ZNF69: variants seen among roughly 807,000 people sequenced by gnomAD.
The protein encoded by ZNF69 is zinc finger protein 69.
In ZNF69, 47 loss-of-function variants were observed where a neutral mutation model predicts 50.9. That is an observed-to-expected ratio of 0.92 (90% CI 0.73 to 1.18). ZNF69 has a LOEUF of 1.18. Ranked by LOEUF, ZNF69 falls within the 50% of genes most tolerant of loss-of-function variation. The pLI is 0.00. For missense variants in ZNF69, 717 were observed against 675.1 expected, an observed-to-expected ratio of 1.06 and a Z score of -0.69; for synonymous variants, 216 against 223.1, an observed-to-expected ratio of 0.97 and a Z score of 0.29.
Position 11,906,343 on chromosome 19 carries a change from G to T in ZNF69, c.*245G>T, listed in dbSNP as rs1182553772. 19 of 1,101,328 alleles carry T rather than the reference G, an allele frequency of 1.7e-5. No homozygotes were observed. The highest frequency in any genetic ancestry group is 2.0e-5 in the Non-Finnish European group (17 of 855,100). The allele number at this position is 1,101,328 out of a possible 1,614,324, so 68.2% of individuals were successfully genotyped here. On this transcript the variant is annotated 3_prime_UTR_variant, in exon 4 of 4. Transcript: ENST00000429654. ...AGAGAGTAGCAGTCCTCCCAGCATGGAGTTTGAGATCTAAGAATGGACAGT... is the reference window on the plus strand; with the variant it reads ...AGAGAGTAGCAGTCCTCCCAGCATGTAGTTTGAGATCTAAGAATGGACAGT...
chr19:11,904,771 C>CA lies in ZNF69; in HGVS notation c.375dup (p.Cys126MetfsTer2). The CA allele has an allele frequency of 6.2e-7, 1 of 1,613,968 alleles. No homozygotes were observed. Among genetic ancestry groups the CA allele is most frequent in the South Asian group, 1.1e-5 (1 of 91,074 alleles). On this transcript the variant is annotated frameshift_variant, in exon 4 of 4. Coordinates refer to ENST00000429654, the MANE Select transcript of ZNF69 (RefSeq NM_001364730.1). LOFTEE classifies it high-confidence loss of function. ...AAGAAAGCTTCTCCTGAAATAAAAT[C>CA]ATGTGACAGCTTTGTGTGTGGAGAA...
At position 11,887,867 on chromosome 19, in the gene ZNF69, G is replaced by A. The variant is rs1000593437; in HGVS notation, c.-57G>A. On this transcript the variant is annotated 5_prime_UTR_variant, in exon 1 of 4. Coordinates refer to ENST00000429654, the MANE Select transcript of ZNF69 (RefSeq NM_001364730.1). ...CTGCGGCTGGGATCCGGTCTTTCCA[G>A]CCCCGAGAGGGACCTGGTTCCTCTG... The A allele has an allele frequency of 6.5e-7, 1 of 1,544,218 alleles. No homozygotes were observed. Among genetic ancestry groups the A allele is most frequent in the African/African-American group, 1.4e-5 (1 of 72,796 alleles).
chr19:11,963,088 A>AGAGTGTGTGTGTGT, the ZNF69 span, among the ~76,000 whole-genome samples: 2 of 138,248 alleles, frequency 1.4e-5, no homozygotes, highest in Admixed American at 7.0e-5. Context: ...AGAGAGAGAG[A>AGAGTGTGTGTGTGT]GTGTGTGTGT....
chr19:11,929,821 A>C, the ZNF69 span, among the ~76,000 whole-genome samples: 1 of 148,262 alleles, frequency 6.7e-6, no homozygotes, highest in Non-Finnish European at 1.5e-5. Flanking sequence ...CATGAGAGGA[A>C]AGCAGAGAAT....
the ZNF69 span, chr19:11,978,956 A>G: frequency 6.2e-7 from 1 of 1,614,220 alleles, no homozygotes; most frequent in African/African-American, 1.3e-5. Context: ...AATGTAAGGA[A>G]TGTAGAAAAG....
At chr19:11,959,779 G>A in the ZNF69 span, among the ~76,000 whole-genome samples, 3 of 152,216 alleles carry the variant, frequency 2.0e-5, no homozygotes, top group East Asian at 1.9e-4. Context: ...ATGAAATGTC[G>A]ATAGAGTATG....
the ZNF69 span, among the ~76,000 whole-genome samples, chr19:11,923,897 C>T: frequency 1.3e-5 from 2 of 152,194 alleles, no homozygotes; most frequent in South Asian, 4.1e-4. Context: ...AAGAGAGTTT[C>T]CCTGGGGGCT....
the ZNF69 span, among the ~76,000 whole-genome samples, chr19:11,928,731 CAAAAAAAAAAA>C: frequency 5.6e-5 from 3 of 53,452 alleles, no homozygotes; most frequent in African/African-American, 1.3e-4. Flanking sequence ...GACTCCGTCT[CAAAAAAAAAAA>C]AAAAAAAAAG....
chr19:11,978,363 C>G, the ZNF69 span: 1 of 1,614,162 alleles, frequency 6.2e-7, no homozygotes, highest in Non-Finnish European at 8.5e-7. Context: ...ATATAAGTGT[C>G]AACAACCTAA....
chr19:11,943,695 G>A, the ZNF69 span, among the ~76,000 whole-genome samples: 1 of 152,158 alleles, frequency 6.6e-6, no homozygotes. Context: ...ATAATAACTA[G>A]AAAACCGAAA....
rs1972360595 is a variant in ZNF69 at position 11,905,835 on chromosome 19, T to C, written c.1438T>C (p.Cys480Arg). 4 of 1,613,876 alleles carry C rather than the reference T, an allele frequency of 2.5e-6. No homozygotes were observed. The change falls in exon 4 of 4, where the codon TGT (cysteine) becomes CGT (arginine). Residue 480 changes from cysteine to arginine, a missense_variant. Cys to Arg is a radical substitution (Grantham distance 180). Transcript: ENST00000429654. ...RIHSGERPYKCKLCGKGFYCP... is the reference protein window; with the variant it reads ...RIHSGERPYKRKLCGKGFYCP... ...ACACTCTGGAGAAAGACCTTATAAATGTAAGCTATGTGGGAAAGGCTTTTA... is the reference window on the plus strand; with the variant it reads ...ACACTCTGGAGAAAGACCTTATAAACGTAAGCTATGTGGGAAAGGCTTTTA...
Position 11,905,827 on chromosome 19 carries a change from C to T in ZNF69, c.1430C>T (p.Pro477Leu), listed in dbSNP as rs749494817. ...GTAAGAATACACTCTGGAGAAAGAC[C>T]TTATAAATGTAAGCTATGTGGGAAA... is the stretch of plus-strand genomic sequence containing the variant. ...THVRIHSGERPYKCKLCGKGF... is the reference protein window; with the variant it reads ...THVRIHSGERLYKCKLCGKGF... Residue 477 changes from proline to leucine, a missense_variant, in exon 4 of 4, where the codon CCT (proline) becomes CTT (leucine). Coordinates refer to ENST00000429654, the MANE Select transcript of ZNF69 (RefSeq NM_001364730.1). 1 of 1,613,714 alleles carries T rather than the reference C, an allele frequency of 6.2e-7. No homozygotes were observed. The highest frequency in any genetic ancestry group is 1.1e-5 in the South Asian group (1 of 91,072).
At chr19:11,979,581 G>A in the ZNF69 span, 1 of 1,603,426 alleles carries the variant, frequency 6.2e-7, no homozygotes, top group Admixed American at 1.7e-5. Flanking sequence ...AGTAGTTCCA[G>A]TTCCTTTTGG....
chr19:11,945,892 A>G, the ZNF69 span, among the ~76,000 whole-genome samples: 1 of 152,086 alleles, frequency 6.6e-6, no homozygotes, highest in Non-Finnish European at 1.5e-5. Flanking sequence ...ATGTACCCCT[A>G]TAGTACAAGT....
chr19:11,938,375 C>G, the ZNF69 span, among the ~76,000 whole-genome samples: 5 of 152,146 alleles, frequency 3.3e-5, no homozygotes, highest in Admixed American at 3.3e-4. Flanking sequence ...CTTATGCTAT[C>G]CCTCTCCCTT....
At chr19:11,894,071 A>G (rs1341161790) in intron 1 of ZNF69, among the ~76,000 whole-genome samples, 1 of 152,182 alleles carries the variant, frequency 6.6e-6, no homozygotes, top group African/African-American at 2.4e-5. Flanking sequence ...GTCATTGAGC[A>G]CTTCTCCTTT....
chr19:11,979,005 A>C, the ZNF69 span: 2 of 1,614,228 alleles, frequency 1.2e-6, no homozygotes, highest in African/African-American at 1.3e-5. Flanking sequence ...ACATGAAAGG[A>C]CCCACTCTGC....
the ZNF69 span, among the ~76,000 whole-genome samples, chr19:11,963,375 G>A: frequency 2.0e-5 from 3 of 152,180 alleles, no homozygotes; most frequent in East Asian, 1.9e-4. Context: ...GATTACAGGC[G>A]TGAGCCATGG....
chr19:11,955,172 T>G, the ZNF69 span, among the ~76,000 whole-genome samples: 10 of 151,606 alleles, frequency 6.6e-5, no homozygotes, highest in African/African-American at 2.4e-4. Flanking sequence ...GCCTGGCTAA[T>G]TTTTGTATTT....
Sources: gnomAD v4.1 joint callset for allele counts (sites outside exome capture counted in the v4.1 genomes callset) on GRCh38, gnomAD v4.1.1 for gene constraint, MANE v1.5 for transcripts, NCBI Gene and HGNC (gene_info 2026-07-23, HGNC 2026-07-21) for gene names.